URI1: variants seen among roughly 807,000 people sequenced by gnomAD.
URI1 encodes unconventional prefoldin RPB5 interactor 1.
Under a neutral mutation model 60.2 loss-of-function variants are expected in URI1, and 39 were observed. That is an observed-to-expected ratio of 0.65 (90% CI 0.50 to 0.85). The LOEUF (loss-of-function observed/expected upper bound fraction) is 0.85. Among genes scored for constraint, URI1 ranks in the 40% least tolerant of loss-of-function variants. URI1 has a pLI of 0.00. For synonymous variants in URI1, 251 were observed against 236.8 expected, an observed-to-expected ratio of 1.06 and a Z score of -0.55; for missense variants, 691 against 665.9, an observed-to-expected ratio of 1.04 and a Z score of -0.42.
At position 30,008,531 on chromosome 19, in the gene URI1, T is replaced by A. The variant is rs558530628; in HGVS notation, c.687-474T>A. On this transcript the variant is annotated intron_variant, in intron 7 of 10. Transcript: ENST00000392271. The stretch of plus-strand genomic sequence containing the variant: ...TTATAGAATCAAGTATGATAAATGT[T>A]CACTCATGCATATAGATATATTCGT... Among the ~76,000 whole-genome samples, 3 of 152,258 alleles carry A rather than the reference T, an allele frequency of 2.0e-5. No individual in the cohort carries two copies. In the East Asian group the frequency reaches 5.8e-4, roughly 29 times the overall value.
chr19:29,956,757 G>A, intron 1 of URI1: 1 of 1,588,130 alleles, frequency 6.3e-7, no homozygotes, highest in Non-Finnish European at 8.6e-7. Context: ...ATCATGTTCT[G>A]TACATGACTA....
intron 10 of URI1, 51 bp from the exon 11 acceptor site, chr19:30,014,836 G>A (rs1262801747): frequency 2.0e-6 from 3 of 1,520,604 alleles, no homozygotes; most frequent in Non-Finnish European, 2.7e-6. Context: ...GGAAGATTTT[G>A]TGGGTGTCTT....
At chr19:29,960,357 A>G (rs2055306266) in intron 1 of URI1, among the ~76,000 whole-genome samples, 1 of 152,016 alleles carries the variant, frequency 6.6e-6, no homozygotes, top group African/African-American at 2.4e-5. Context: ...TAATTCTATC[A>G]TTTATTGAGA....
chr19:29,995,823 A>G (rs1232221472), intron 4 of URI1, among the ~76,000 whole-genome samples: 2 of 151,840 alleles, frequency 1.3e-5, no homozygotes, highest in Admixed American at 1.3e-4. Context: ...ATTCTTTTGC[A>G]TGTGGTTCCA....
intron 1 of URI1, among the ~76,000 whole-genome samples, chr19:29,969,194 C>A (rs2055427998): frequency 6.6e-6 from 1 of 152,126 alleles, no homozygotes; most frequent in Non-Finnish European, 1.5e-5. Flanking sequence ...TGTAAGGCAG[C>A]ATTTTGGTAG....
chr19:29,983,640 C>T (rs1485004856), intron 2 of URI1, among the ~76,000 whole-genome samples: 1 of 152,130 alleles, frequency 6.6e-6, no homozygotes, highest in Non-Finnish European at 1.5e-5. Flanking sequence ...AAAAAAAATT[C>T]AGTGCTGTAG....
intron 4 of URI1, among the ~76,000 whole-genome samples, chr19:29,996,432 A>T (rs2055812789): frequency 6.6e-6 from 1 of 151,992 alleles, no homozygotes; most frequent in African/African-American, 2.4e-5. Context: ...TTGATTTTGC[A>T]TCCTGCAACT....
At chr19:29,990,990 T>A (rs1340261005) in intron 4 of URI1, among the ~76,000 whole-genome samples, 1 of 152,204 alleles carries the variant, frequency 6.6e-6, no homozygotes, top group Non-Finnish European at 1.5e-5. Flanking sequence ...CCACTCTGTT[T>A]TGATTACTGT....
Position 30,009,209 on chromosome 19 carries a change from C to T in URI1, c.891C>T (p.His297=), listed in dbSNP as rs2055984347. ...NCSVNGSSSY[H]SDDDDDDDDD... is the part of the protein sequence containing the mutation. ...CAGTGAATGGTTCCAGTTCTTACCA[C>T]AGTGATGATGATGATGATGATGATG... The change falls in exon 8 of 11, where the codon CAC becomes CAT. Residue 297 remains histidine (H), a synonymous_variant. Transcript: ENST00000392271. 6.3e-7 allele frequency: 1 copy of T among 1,580,742 alleles called. No homozygotes were observed. Among genetic ancestry groups the T allele is most frequent in the Non-Finnish European group, 8.6e-7 (1 of 1,165,826 alleles).
At chr19:30,002,287 TCTTA>T (rs1324695491) in intron 4 of URI1, among the ~76,000 whole-genome samples, 4 of 152,200 alleles carry the variant, frequency 2.6e-5, no homozygotes, top group South Asian at 2.1e-4. Context: ...AAATATTTGG[TCTTA>T]CTTAGTGAGT....
intron 1 of URI1, among the ~76,000 whole-genome samples, chr19:29,966,926 A>G (rs938680801): frequency 9.8e-5 from 15 of 152,332 alleles, no homozygotes; most frequent in African/African-American, 2.9e-4. Flanking sequence ...GAAGTGAAGC[A>G]TTTTTGAGAA....
chr19:29,923,750 C>T, exon 1 of URI1: 1 of 1,536,664 alleles, frequency 6.5e-7, no homozygotes, highest in Non-Finnish European at 8.7e-7. Context: ...CTGGCATATG[C>T]ATTGGTGAGT....
intron 3 of URI1, 103 bp from the exon 4 acceptor site, chr19:29,986,178 TA>T: frequency 4.3e-6 from 5 of 1,153,830 alleles, no homozygotes; most frequent in Non-Finnish European, 5.7e-6. Flanking sequence ...AATGTATAAA[TA>T]AAAAAATTCA....
intron 1 of URI1, chr19:29,956,729 C>T: frequency 1.3e-6 from 2 of 1,560,642 alleles, no homozygotes; most frequent in Non-Finnish European, 1.8e-6. Context: ...GTAATGGAAG[C>T]CCAGTGTAAC....
At chr19:29,965,482 T>G (rs777238969) in intron 1 of URI1, among the ~76,000 whole-genome samples, 1 of 152,358 alleles carries the variant, frequency 6.6e-6, no homozygotes, top group South Asian at 2.1e-4. Flanking sequence ...CAGTTATTCT[T>G]AAGTTTATGG....
At chr19:29,995,349 T>A (rs1490641078) in intron 4 of URI1, among the ~76,000 whole-genome samples, 1 of 152,196 alleles carries the variant, frequency 6.6e-6, no homozygotes, top group Non-Finnish European at 1.5e-5. Context: ...TTCATGTGTT[T>A]ATTGGCCACA....
At chr19:29,947,488 G>A (rs756456299) in intron 1 of URI1, among the ~76,000 whole-genome samples, 34 of 152,188 alleles carry the variant, frequency 2.2e-4, no homozygotes, top group Non-Finnish European at 4.3e-4. Flanking sequence ...GCTAGCAGTG[G>A]ACAGAAGTTC....
chr19:29,929,854 T>C (rs1440080796), intron 1 of URI1, among the ~76,000 whole-genome samples: 2 of 151,952 alleles, frequency 1.3e-5, no homozygotes, highest in Non-Finnish European at 2.9e-5. Context: ...ATATGCTTGA[T>C]ATTAAACCCT....
chr19:30,001,661 C>A (rs1251796290), intron 4 of URI1, among the ~76,000 whole-genome samples: 1 of 151,924 alleles, frequency 6.6e-6, no homozygotes, highest in Admixed American at 6.6e-5. Flanking sequence ...AAGTGAATTG[C>A]CTTTTCCAGG....
Sources: gnomAD v4.1 joint callset for allele counts (sites outside exome capture counted in the v4.1 genomes callset) on GRCh38, gnomAD v4.1.1 for gene constraint, MANE v1.5 for transcripts, NCBI Gene and HGNC (gene_info 2026-07-23, HGNC 2026-07-21) for gene names.